The following TRIM2 variants were observed in gnomAD, a reference collection of about 807,000 sequenced individuals.
TRIM2 encodes tripartite motif containing 2.
A neutral mutation model predicts 75.2 loss-of-function variants in TRIM2; 20 were observed. That is an observed-to-expected ratio of 0.27 (90% CI 0.19 to 0.39). The LOEUF (loss-of-function observed/expected upper bound fraction) is 0.39. Ranked by LOEUF, TRIM2 falls within the 10% of genes least tolerant of loss-of-function variation. TRIM2 has a pLI of 1.00. For synonymous variants in TRIM2, 373 were observed against 388.3 expected (o/e 0.96, Z 0.46); for missense variants, 660 against 990.8 (o/e 0.67, Z 4.48).
At chr4:153,257,378 T>G (rs1335940817) in intron 1 of TRIM2, 3 of 1,122,100 alleles carry the variant, frequency 2.7e-6, no homozygotes, top group Admixed American at 4.3e-5. Flanking sequence ...TTTGCTGCAG[T>G]CTTTTCAACA....
chr4:153,199,756 T>G (rs1057503009), upstream of TRIM2, among the ~76,000 whole-genome samples: 26 of 152,054 alleles, frequency 1.7e-4, no homozygotes, highest in Non-Finnish European at 1.3e-4. Flanking sequence ...ATCCTCTTTT[T>G]ATTTATTTAT....
chr4:153,308,475 A>T (rs1432957511), intron 6 of TRIM2: 44 of 774,324 alleles, frequency 5.7e-5, no homozygotes, highest in South Asian at 5.6e-4. Flanking sequence ...CAAAGCCACT[A>T]TCTAGGTGGC....
At chr4:153,304,761 T>C (rs1253004000) in intron 6 of TRIM2, among the ~76,000 whole-genome samples, 1 of 152,182 alleles carries the variant, frequency 6.6e-6, no homozygotes. Context: ...TTAGAATCTC[T>C]TGAGATGGAC....
At chr4:153,308,663 C>A in intron 6 of TRIM2, 1 of 583,396 alleles carries the variant, frequency 1.7e-6, no homozygotes, top group Non-Finnish European at 3.4e-6. Flanking sequence ...TGCTCAGCAT[C>A]AAATTTGGTG....
intron 6 of TRIM2, among the ~76,000 whole-genome samples, chr4:153,302,384 A>C (rs1432492456): frequency 6.6e-6 from 1 of 152,234 alleles, no homozygotes; most frequent in Non-Finnish European, 1.5e-5. Flanking sequence ...ATAGAGATGA[A>C]GGAAATGACA....
chr4:153,262,839 C>T (rs1753910914), intron 1 of TRIM2, among the ~76,000 whole-genome samples: 1 of 152,166 alleles, frequency 6.6e-6, no homozygotes, highest in Admixed American at 6.5e-5. Context: ...AGGTTAGAAG[C>T]AAGATGGAGT....
intron 8 of TRIM2, among the ~76,000 whole-genome samples, chr4:153,318,693 C>T (rs1487781986): frequency 6.6e-6 from 1 of 152,148 alleles, no homozygotes; most frequent in Non-Finnish European, 1.5e-5. Context: ...CGTGATCTGT[C>T]TTTGTAAATT....
chr4:153,191,142 T>A (rs936607599), intron 1 of TRIM2, among the ~76,000 whole-genome samples: 3 of 152,246 alleles, frequency 2.0e-5, no homozygotes, highest in Admixed American at 1.3e-4. Context: ...GGAATACAGA[T>A]GATTAAAGCT....
intron 6 of TRIM2, among the ~76,000 whole-genome samples, chr4:153,299,253 T>C (rs1763375339): frequency 6.6e-6 from 1 of 152,180 alleles, no homozygotes; most frequent in Non-Finnish European, 1.5e-5. Context: ...TATTTGTCTT[T>C]CTGTGCCTGG....
At chr4:153,166,640 C>A (rs1367755533) in intron 1 of TRIM2, among the ~76,000 whole-genome samples, 2 of 152,000 alleles carry the variant, frequency 1.3e-5, no homozygotes, top group Admixed American at 6.6e-5. Context: ...CACCCTCAAC[C>A]TGGGCTCATG....
intron 1 of TRIM2, among the ~76,000 whole-genome samples, chr4:153,211,537 G>T (rs1737013493): frequency 6.7e-6 from 1 of 149,504 alleles, no homozygotes; most frequent in Admixed American, 6.7e-5. Context: ...GCCCAGGTTG[G>T]AGTGCAGTGG....
chr4:153,306,198 G>A lies in TRIM2; in HGVS notation c.1511-9287G>A, dbSNP rs76179697. Among the ~76,000 whole-genome samples the A allele has an allele frequency of 6.8e-3, 1,030 of 152,140 alleles. 13 individuals are homozygous for A. The highest frequency in any genetic ancestry group is 0.023 in the African/African-American group (971 of 41,504). The stretch of plus-strand genomic sequence containing the variant: ...TGCTATTATTAGCCATATGACTTAG[G>A]GGAAATTATTTAACCTCTCTGTGCC... On this transcript the variant is annotated intron_variant, in intron 6 of 11. Transcript: ENST00000338700.
chr4:153,325,226 G>C lies in TRIM2; in HGVS notation c.2022+1078G>C, dbSNP rs560597282. Reference sequence around the variant, plus strand: ...AAATGGAGAGGGCTTGGATCTTTTTGATGGGTGCCAAGTCCCTGTGCAGAC... The same window carrying C: ...AAATGGAGAGGGCTTGGATCTTTTTCATGGGTGCCAAGTCCCTGTGCAGAC... On this transcript the variant is annotated intron_variant, in intron 10 of 11. Coordinates refer to ENST00000338700, the MANE Select transcript of TRIM2 (RefSeq NM_015271.5). Among the ~76,000 whole-genome samples the C allele has an allele frequency of 5.9e-5, 9 of 152,332 alleles. No homozygotes were observed. In the South Asian group the frequency reaches 6.2e-4, roughly 11 times the overall value.
chr4:153,270,296 T>A, intron 1 of TRIM2, 39 bp from the exon 2 acceptor site: 1 of 1,586,094 alleles, frequency 6.3e-7, no homozygotes, highest in East Asian at 2.3e-5. Flanking sequence ...TACCTACAGA[T>A]CATTATATGT....
chr4:153,264,765 G>A (rs999724171), intron 1 of TRIM2, among the ~76,000 whole-genome samples: 1 of 152,160 alleles, frequency 6.6e-6, no homozygotes, highest in African/African-American at 2.4e-5. Context: ...CCCATTAGGA[G>A]TAGTCAAATG....
chr4:153,166,518 C>CTTCCTTCCTTCCTTCCTTCCTTCT (rs60116310), intron 1 of TRIM2, among the ~76,000 whole-genome samples: 16 of 138,850 alleles, frequency 1.2e-4, no homozygotes, highest in Admixed American at 3.0e-4. Context: ...TTTTCTTTTC[C>CTTCCTTCCTTCCTTCCTTCCTTCT]TTCCTTCCTT....
At chr4:153,257,921 C>A (rs1019149024) in intron 1 of TRIM2, among the ~76,000 whole-genome samples, 1 of 152,110 alleles carries the variant, frequency 6.6e-6, no homozygotes, top group Non-Finnish European at 1.5e-5. Context: ...TAAACAAAGG[C>A]ACCAAATTAA....
chr4:153,233,928 A>G (rs1318697021), intron 1 of TRIM2, among the ~76,000 whole-genome samples: 1 of 152,162 alleles, frequency 6.6e-6, no homozygotes, highest in Admixed American at 6.5e-5. Flanking sequence ...ATGCAAGGGG[A>G]GTACAGGCAC....
At chr4:153,333,857 G>A (rs1244647367) in intron 11 of TRIM2, among the ~76,000 whole-genome samples, 1 of 152,116 alleles carries the variant, frequency 6.6e-6, no homozygotes, top group East Asian at 1.9e-4. Flanking sequence ...ATGTGCACAG[G>A]TTAGGTGCAA....
Sources: allele counts gnomAD v4.1 joint callset (sites outside exome capture counted in the v4.1 genomes callset), GRCh38; gene constraint gnomAD v4.1.1; transcripts MANE v1.5; gene names NCBI Gene and HGNC (gene_info 2026-07-23, HGNC 2026-07-21).